Variants in ZNF804B observed in about 807,000 individuals in gnomAD.
ZNF804B encodes zinc finger protein 804B, also known as zinc finger 804B.
A neutral mutation model predicts 101.4 loss-of-function variants in ZNF804B; 80 were observed. That is an observed-to-expected ratio of 0.79 (90% CI 0.66 to 0.95). ZNF804B has a LOEUF of 0.95. Ranked by LOEUF, ZNF804B falls within the 40% of genes least tolerant of loss-of-function variation. The pLI is 0.00. For missense variants in ZNF804B, 1,673 were observed against 1,561.9 expected (o/e 1.07, Z -1.20); for synonymous variants, 622 against 558.8 (o/e 1.11, Z -1.59).
At chr7:88,919,673 G>A (rs1373391312) in intron 1 of ZNF804B, among the ~76,000 whole-genome samples, 8 of 152,086 alleles carry the variant, frequency 5.3e-5, no homozygotes, top group East Asian at 3.9e-4. Flanking sequence ...CTGTGGTCAC[G>A]TAGGACTGTC....
intron 1 of ZNF804B, among the ~76,000 whole-genome samples, chr7:88,780,809 C>T (rs1015108390): frequency 1.3e-5 from 2 of 152,100 alleles, no homozygotes; most frequent in South Asian, 2.1e-4. Flanking sequence ...TTTTATCTCA[C>T]GTAAACTGCA....
chr7:89,097,989 C>T (rs1789993246), intron 1 of ZNF804B, among the ~76,000 whole-genome samples: 1 of 152,102 alleles, frequency 6.6e-6, no homozygotes, highest in African/African-American at 2.4e-5. Context: ...TATTCAGAAG[C>T]TATATAATAA....
chr7:88,987,937 C>T (rs1793787713), intron 1 of ZNF804B, among the ~76,000 whole-genome samples: 1 of 151,846 alleles, frequency 6.6e-6, no homozygotes, highest in African/African-American at 2.4e-5. Context: ...CTCTGGTAAC[C>T]ATTGTTCTAC....
intron 2 of ZNF804B, among the ~76,000 whole-genome samples, chr7:89,258,711 AAC>A (rs1332859687): frequency 6.6e-6 from 1 of 152,216 alleles, no homozygotes; most frequent in Admixed American, 6.5e-5. Context: ...ATAAACAGTT[AAC>A]ACATATTTTG....
At chr7:89,233,581 G>A (rs1421874358) in intron 2 of ZNF804B, among the ~76,000 whole-genome samples, 1 of 152,006 alleles carries the variant, frequency 6.6e-6, no homozygotes, top group Non-Finnish European at 1.5e-5. Flanking sequence ...ATGTGGGGGT[G>A]GGCTTCAGTT....
Position 89,337,193 on chromosome 7 carries a change from G to A in ZNF804B, c.*161G>A. On this transcript the variant is annotated 3_prime_UTR_variant, in exon 4 of 4. Coordinates refer to ENST00000333190, the MANE Select transcript of ZNF804B (RefSeq NM_181646.5). ...ATCTGAATTGCTAATACTAAAACAA[G>A]AGCATTTTAATAATTTTTTAGCTTG... The A allele has an allele frequency of 1.3e-6, 1 of 780,882 alleles. No homozygotes were observed. The highest frequency in any genetic ancestry group is 1.9e-6 in the Non-Finnish European group (1 of 526,638). 48.4% of individuals were successfully genotyped at this position (780,882 alleles called of 1,614,324 possible).
At chr7:89,167,807 A>T (rs2116428873) in intron 1 of ZNF804B, among the ~76,000 whole-genome samples, 1 of 152,292 alleles carries the variant, frequency 6.6e-6, no homozygotes, top group African/African-American at 2.4e-5. Context: ...GTGATTGTTA[A>T]GTTATATAAC....
At chr7:89,177,815 G>T (rs1791344603) in intron 1 of ZNF804B, among the ~76,000 whole-genome samples, 1 of 151,956 alleles carries the variant, frequency 6.6e-6, no homozygotes, top group Non-Finnish European at 1.5e-5. Context: ...CACTTTTGGA[G>T]GCCAAGGCGG....
intron 1 of ZNF804B, among the ~76,000 whole-genome samples, chr7:88,944,188 GTGGCTATATCA>G: frequency 6.6e-6 from 1 of 151,702 alleles, no homozygotes; most frequent in Admixed American, 6.6e-5. Context: ...GTTTTCCAAA[GTGGCTATATCA>G]TGTTGCACTC....
At chr7:89,197,904 C>G (rs1002470239) in intron 1 of ZNF804B, among the ~76,000 whole-genome samples, 1 of 151,682 alleles carries the variant, frequency 6.6e-6, no homozygotes, top group East Asian at 1.9e-4. Flanking sequence ...AATTGAGTAG[C>G]AAATTGGATG....
At chr7:88,993,922 C>T (rs556425842) in intron 1 of ZNF804B, among the ~76,000 whole-genome samples, 6 of 152,002 alleles carry the variant, frequency 3.9e-5, no homozygotes, top group African/African-American at 1.4e-4. Context: ...TTTACTGTGA[C>T]TATAATATTA....
intron 2 of ZNF804B, among the ~76,000 whole-genome samples, chr7:89,220,335 C>T (rs1044577597): frequency 1.1e-4 from 16 of 151,420 alleles, no homozygotes; most frequent in Non-Finnish European, 2.2e-4. Flanking sequence ...TCCTAGTGTG[C>T]ATAACAATGA....
intron 2 of ZNF804B, among the ~76,000 whole-genome samples, chr7:89,254,444 G>T (rs7811259): frequency 0.12 from 18,369 of 150,216 alleles, 1,207 homozygotes; most frequent in Middle Eastern, 0.25. Context: ...TTTATGGAAG[G>T]ATATTAAAGA....
chr7:88,855,566 C>G (rs1190638621), intron 1 of ZNF804B, among the ~76,000 whole-genome samples: 3 of 152,138 alleles, frequency 2.0e-5, no homozygotes, highest in African/African-American at 4.8e-5. Context: ...CCTGTTCACT[C>G]TGATGGTAGT....
In ZNF804B at chr7:88,778,384, C is replaced by T. The variant is rs1260200196; in HGVS notation, c.108+18300C>T. 2.0e-5 allele frequency among the ~76,000 whole-genome samples: 3 copies of T among 152,202 alleles called. No homozygotes were observed. In the South Asian group the frequency reaches 6.2e-4, roughly 32 times the overall value. On this transcript the variant is annotated intron_variant, in intron 1 of 3. Coordinates refer to ENST00000333190, the MANE Select transcript of ZNF804B (RefSeq NM_181646.5). ...TCAAGGTCTTTAGTTTTAATCCCAT[C>T]TATAAAGTCTCTTTTGACATGCAAG...
At chr7:89,255,979 A>G (rs548918186) in intron 2 of ZNF804B, among the ~76,000 whole-genome samples, 1 of 152,250 alleles carries the variant, frequency 6.6e-6, no homozygotes, top group African/African-American at 2.4e-5. Context: ...TAAAACCAAA[A>G]CCCAATTCCA....
chr7:89,271,079 C>CGAAAGAA lies in ZNF804B; in HGVS notation c.249+52784_249+52785insGAAAGAA, dbSNP rs1789886641. On this transcript the variant is annotated intron_variant, in intron 2 of 3. Coordinates refer to ENST00000333190, the MANE Select transcript of ZNF804B (RefSeq NM_181646.5). ...TTATTTCTTTCTCCTGCCTGATTGT[C>CGAAAGAA]CTGGCTAGAACTTCCAACACTATGT... 2.0e-5 allele frequency among the ~76,000 whole-genome samples: 3 copies of CGAAAGAA among 152,276 alleles called. No individual in the cohort carries two copies. In the South Asian group the frequency reaches 6.2e-4, roughly 32 times the overall value.
At chr7:89,043,389 A>G (rs1161743238) in intron 1 of ZNF804B, among the ~76,000 whole-genome samples, 1 of 152,208 alleles carries the variant, frequency 6.6e-6, no homozygotes, top group African/African-American at 2.4e-5. Flanking sequence ...CACATAATTA[A>G]CCTTCATTGT....
chr7:89,031,642 CT>C (rs1253231479), intron 1 of ZNF804B, among the ~76,000 whole-genome samples: 2 of 149,124 alleles, frequency 1.3e-5, no homozygotes, highest in Admixed American at 6.8e-5. Flanking sequence ...CAAATATTTT[CT>C]TTAGGCTTCT....
Sources: allele counts gnomAD v4.1 joint callset (sites outside exome capture counted in the v4.1 genomes callset), GRCh38; gene constraint gnomAD v4.1.1; transcripts MANE v1.5; gene names NCBI Gene and HGNC (gene_info 2026-07-23, HGNC 2026-07-21).